FAM184B: variants seen among roughly 807,000 people sequenced by gnomAD.
The protein encoded by FAM184B is protein FAM184B.
A neutral mutation model predicts 135.9 loss-of-function variants in FAM184B; 111 were observed. That is an observed-to-expected ratio of 0.82 (90% CI 0.70 to 0.96). FAM184B has a LOEUF of 0.96. Ranked by LOEUF, FAM184B falls within the 40% of genes least tolerant of loss-of-function variation. The pLI, the probability that FAM184B is intolerant of heterozygous loss-of-function variation, is 0.00. For missense variants in FAM184B, 1,375 were observed against 1,323.9 expected (o/e 1.04, Z -0.60); for synonymous variants, 552 against 524.8 (o/e 1.05, Z -0.71).
chr4:17,735,571 G>T lies in FAM184B; in HGVS notation c.142-25927C>A, dbSNP rs146749392. On this transcript the variant is annotated intron_variant, in intron 1 of 17. Coordinates refer to ENST00000265018, the MANE Select transcript of FAM184B (RefSeq NM_015688.2). ...TTTCATGTTAATGGTAACTTTCAAGGCTTCTTCCTTAGACCCCTGTCATTG... is the reference window on the plus strand; with the variant it reads ...TTTCATGTTAATGGTAACTTTCAAGTCTTCTTCCTTAGACCCCTGTCATTG... 3.3e-3 allele frequency among the ~76,000 whole-genome samples: 498 copies of T among 151,984 alleles called. 1 individual carries two copies. Among genetic ancestry groups the T allele is most frequent in the African/African-American group, 0.011 (460 of 41,384 alleles).
Position 17,664,617 on chromosome 4 carries a change from C to G in FAM184B, c.1639G>C (p.Glu547Gln). 4 of 1,551,570 alleles carry G rather than the reference C, an allele frequency of 2.6e-6. No individual in the cohort carries two copies. Among genetic ancestry groups the G allele is most frequent in the Non-Finnish European group, 3.5e-6 (4 of 1,146,988 alleles). The change falls in exon 8 of 18, where the codon GAG becomes CAG. Residue 547 changes from glutamate to glutamine, a missense_variant. Transcript: ENST00000265018. ...TCAGCTGCTAACTTATCTTGATACT[C>G]CTCTCCTCTCGGCGAAGTTTCATCC... ...KLDETSPRGEEYQDKLAAEEG... is the reference protein window; with the variant it reads ...KLDETSPRGEQYQDKLAAEEG...
At chr4:17,658,834 C>T (rs762322182) in intron 9 of FAM184B, among the ~76,000 whole-genome samples, 2 of 152,202 alleles carry the variant, frequency 1.3e-5, no homozygotes, top group South Asian at 2.1e-4. Flanking sequence ...CAGGGACCCA[C>T]GTGGCAGCCC....
At chr4:17,748,338 G>GC (rs1718221005) in intron 1 of FAM184B, among the ~76,000 whole-genome samples, 1 of 151,542 alleles carries the variant, frequency 6.6e-6, no homozygotes, top group Non-Finnish European at 1.5e-5. Flanking sequence ...AAGCTAAACT[G>GC]CCCCAAAGAT....
At chr4:17,772,198 A>G (rs1455999634) in intron 1 of FAM184B, among the ~76,000 whole-genome samples, 2 of 152,228 alleles carry the variant, frequency 1.3e-5, no homozygotes, top group African/African-American at 4.8e-5. Flanking sequence ...TCAAATTTAA[A>G]TTCATTTCAC....
At chr4:17,647,340 A>G (rs1015975381) in intron 12 of FAM184B, among the ~76,000 whole-genome samples, 1 of 148,378 alleles carries the variant, frequency 6.7e-6, no homozygotes, top group African/African-American at 2.5e-5. Context: ...ACAGCCTGGA[A>G]CTCCTGGTCA....
At chr4:17,672,876 G>C (rs1372947098) in intron 7 of FAM184B, among the ~76,000 whole-genome samples, 2 of 152,108 alleles carry the variant, frequency 1.3e-5, no homozygotes, top group African/African-American at 2.4e-5. Flanking sequence ...TTTGGCATTA[G>C]GGTGATACTG....
intron 10 of FAM184B, among the ~76,000 whole-genome samples, chr4:17,655,153 T>C (rs1715752889): frequency 6.6e-6 from 1 of 152,236 alleles, no homozygotes; most frequent in African/African-American, 2.4e-5. Flanking sequence ...ATTGCGAGTT[T>C]ATTTAATAAA....
Position 17,660,068 on chromosome 4 carries a change from CCTT to C in FAM184B, c.1711_1713del (p.Lys571del). On this transcript the variant is annotated inframe_deletion, in exon 9 of 18. Coordinates refer to ENST00000265018, the MANE Select transcript of FAM184B (RefSeq NM_015688.2). Reference sequence around the variant, plus strand: ...AGTGGAGGTTGTGGGTCACTTCCCTCCTTGAGAAGCACTTTGGTCCTTTGAAGA... The same window carrying C: ...AGTGGAGGTTGTGGGTCACTTCCCTCGAGAAGCACTTTGGTCCTTTGAAGA... 3 of 1,551,538 alleles carry C rather than the reference CCTT, an allele frequency of 1.9e-6. No homozygotes were observed. The highest frequency in any genetic ancestry group is 2.6e-6 in the Non-Finnish European group (3 of 1,146,954).
chr4:17,726,547 T>A (rs1243915851), intron 1 of FAM184B, among the ~76,000 whole-genome samples: 4 of 152,074 alleles, frequency 2.6e-5, no homozygotes, highest in Admixed American at 2.6e-4. Context: ...AATTTTTGTA[T>A]TTTTAGTAGA....
At chr4:17,732,996 G>T (rs1165269795) in intron 1 of FAM184B, among the ~76,000 whole-genome samples, 1 of 152,206 alleles carries the variant, frequency 6.6e-6, no homozygotes, top group African/African-American at 2.4e-5. Context: ...CCATGATCAA[G>T]TGGGCTTCAT....
chr4:17,716,059 C>T (rs139770034), intron 1 of FAM184B, among the ~76,000 whole-genome samples: 19 of 152,278 alleles, frequency 1.2e-4, no homozygotes, highest in Non-Finnish European at 2.4e-4. Context: ...ACAGGAGCCT[C>T]AGAAAGAGAT....
Position 17,707,744 on chromosome 4 carries a change from G to A in FAM184B, c.935C>T (p.Ser312Leu). The A allele has an allele frequency of 6.4e-7, 1 of 1,551,940 alleles. No homozygotes were observed. The highest frequency in any genetic ancestry group is 8.7e-7 in the Non-Finnish European group (1 of 1,147,030). ...VQLKEARQENSELKGTAKKLG... is the reference protein window; with the variant it reads ...VQLKEARQENLELKGTAKKLG... ...TTTTTTTGCAGTGCCTTTCAACTCT[G>A]AATTCTCCTGTCGAGCCTCCTTAAG... is the stretch of plus-strand genomic sequence containing the variant. Residue 312 changes from serine (S) to leucine (L), a missense_variant, in exon 3 of 18, where the codon TCA (serine) becomes TTA (leucine). Coordinates refer to ENST00000265018, the MANE Select transcript of FAM184B (RefSeq NM_015688.2).
intron 10 of FAM184B, among the ~76,000 whole-genome samples, chr4:17,654,892 GC>G (rs1715746467): frequency 1.3e-5 from 2 of 152,242 alleles, no homozygotes; most frequent in South Asian, 4.1e-4. Flanking sequence ...TCACTCTGTT[GC>G]CCAGCTGGAG....
At chr4:17,667,748 A>T (rs759105348) in intron 7 of FAM184B, among the ~76,000 whole-genome samples, 1 of 152,216 alleles carries the variant, frequency 6.6e-6, no homozygotes, top group East Asian at 1.9e-4. Context: ...CATAAAATAT[A>T]GAAGATGGAA....
At chr4:17,695,686 A>C (rs1716840362) in intron 5 of FAM184B, among the ~76,000 whole-genome samples, 1 of 130,074 alleles carries the variant, frequency 7.7e-6, no homozygotes, top group Non-Finnish European at 1.8e-5. Flanking sequence ...GGATGACACT[A>C]GGAGAGAATG....
intron 1 of FAM184B, among the ~76,000 whole-genome samples, chr4:17,762,947 TC>T (rs1718578525): frequency 6.6e-6 from 1 of 152,142 alleles, no homozygotes; most frequent in Non-Finnish European, 1.5e-5. Context: ...CACTGCACCT[TC>T]CGGATCTCCT....
chr4:17,781,259 G>A lies in FAM184B; in HGVS notation c.41C>T (p.Thr14Ile). The A allele has an allele frequency of 1.9e-6, 3 of 1,550,464 alleles. No individual in the cohort carries two copies. Among genetic ancestry groups the A allele is most frequent in the Non-Finnish European group, 1.7e-6 (2 of 1,146,352 alleles). ...ALNSKINPPG[T>I]CQGSKADGGA... ...ACCGTCGGCTTTGGAGCCCTGGCAAGTGCCGGGCGGGTTAATTTTGCTGTT... is the reference window on the plus strand; with the variant it reads ...ACCGTCGGCTTTGGAGCCCTGGCAAATGCCGGGCGGGTTAATTTTGCTGTT... The change falls in exon 1 of 18, where the codon ACT becomes ATT. Residue 14 changes from threonine to isoleucine, a missense_variant. Coordinates refer to ENST00000265018, the MANE Select transcript of FAM184B (RefSeq NM_015688.2). The surrounding 1 kb of genome is among the most constrained non-coding windows in gnomAD (Gnocchi z 6.5).
At chr4:17,708,218 G>A (rs563660405) in intron 2 of FAM184B, among the ~76,000 whole-genome samples, 11 of 152,186 alleles carry the variant, frequency 7.2e-5, no homozygotes, top group Admixed American at 6.5e-4. Context: ...TAGTCCTTAC[G>A]CCTCTCAATT....
At chr4:17,674,567 C>G (rs1416292146) in intron 7 of FAM184B, among the ~76,000 whole-genome samples, 1 of 152,106 alleles carries the variant, frequency 6.6e-6, no homozygotes, top group Non-Finnish European at 1.5e-5. Context: ...ATGAAGTTTG[C>G]CACATCGCTT....
Sources: allele counts gnomAD v4.1 joint callset (sites outside exome capture counted in the v4.1 genomes callset), GRCh38; gene constraint gnomAD v4.1.1; non-coding constraint Gnocchi (gnomAD v3.1); transcripts MANE v1.5; gene names NCBI Gene and HGNC (gene_info 2026-07-23, HGNC 2026-07-21).